The following SGSM2 variants were observed in gnomAD, a reference collection of about 807,000 sequenced individuals.
SGSM2 encodes small G protein signaling modulator 2, also known as RUN and TBC1 domain containing 1.
Under a neutral mutation model 126.6 loss-of-function variants are expected in SGSM2, and 89 were observed. The ratio of observed to expected loss-of-function variants is 0.70; its 90% CI spans 0.59 to 0.84. The LOEUF (loss-of-function observed/expected upper bound fraction) is 0.84. SGSM2 is among the 40% of genes least tolerant of loss of function. The pLI is 0.00. For synonymous variants in SGSM2, 614 were observed against 574.3 expected (o/e 1.07, Z -0.99); for missense variants, 1,404 against 1,416.6 (o/e 0.99, Z 0.14).
Position 2,380,102 on chromosome 17 carries a change from G to A in SGSM2, c.*582G>A, listed in dbSNP as rs1461411195. 7.1e-7 allele frequency: 1 copy of A among 1,401,188 alleles called. No individual in the cohort carries two copies. Among genetic ancestry groups the A allele is most frequent in the Non-Finnish European group, 9.2e-7 (1 of 1,081,318 alleles). The allele number at this position is 1,401,188 out of a possible 1,614,324, so 86.8% of individuals were successfully genotyped here. ...GCCGCTCCCCCGAGATTCTGGGGCA[G>A]TCGGAAGATGTGGGCCCTGGGTGGG... On this transcript the variant is annotated 3_prime_UTR_variant, in exon 24 of 24. Coordinates refer to ENST00000268989, the MANE Select transcript of SGSM2 (RefSeq NM_014853.3).
At chr17:2,364,460 C>T (rs2065464115) in intron 8 of SGSM2, 136 bp from the exon 9 acceptor site, 1 of 963,946 alleles carries the variant, frequency 1.0e-6, no homozygotes, top group Admixed American at 2.0e-5. Context: ...GGGGTCATGG[C>T]TGGCTGTGTG....
chr17:2,370,276 C>T (rs538475769), intron 12 of SGSM2, among the ~76,000 whole-genome samples: 2 of 152,404 alleles, frequency 1.3e-5, no homozygotes, highest in South Asian at 2.1e-4. Flanking sequence ...TCCTCTCTCA[C>T]TTTGCTTCAT....
chr17:2,338,277 G>A (rs1288778215), intron 1 of SGSM2, among the ~76,000 whole-genome samples: 1 of 152,110 alleles, frequency 6.6e-6, no homozygotes, highest in Non-Finnish European at 1.5e-5. Context: ...CTCCCTCCAC[G>A]CCCACCTCCT....
At position 2,361,761 on chromosome 17, in the gene SGSM2, C is replaced by A; in HGVS notation, c.258C>A (p.Cys86Ter). 1 of 1,612,418 alleles carries A rather than the reference C, an allele frequency of 6.2e-7. No homozygotes were observed. The highest frequency in any genetic ancestry group is 8.5e-7 in the Non-Finnish European group (1 of 1,179,792). The change falls in exon 3 of 24, where the codon TGC becomes TGA. Residue 86 changes from cysteine to a stop codon, truncating the protein, a stop_gained. Transcript: ENST00000268989. LOFTEE classifies it high-confidence loss of function. ...CGTGCCCAGTGGCGGGGGAGATTTGCCACAAGGTACAGGAGCTGCAGCAAC... is the reference window on the plus strand; with the variant it reads ...CGTGCCCAGTGGCGGGGGAGATTTGACACAAGGTACAGGAGCTGCAGCAAC... ...GKTCPVAGEI[C>*]HKVQELQQQA...
chr17:2,341,944 C>T (rs371008324), intron 1 of SGSM2, among the ~76,000 whole-genome samples: 111 of 152,314 alleles, frequency 7.3e-4, no homozygotes, highest in African/African-American at 2.3e-3. Context: ...ACCCAAACGC[C>T]GGGTGTTTGT....
chr17:2,338,359 C>T (rs1462587926), intron 1 of SGSM2, among the ~76,000 whole-genome samples: 1 of 152,164 alleles, frequency 6.6e-6, no homozygotes, highest in Non-Finnish European at 1.5e-5. Flanking sequence ...AGGGAAGCCC[C>T]CCTACTTCAG....
intron 22 of SGSM2, 30 bp from the exon 23 acceptor site, chr17:2,379,006 G>A (rs376263824): frequency 5.4e-5 from 87 of 1,603,452 alleles, no homozygotes; most frequent in African/African-American, 1.7e-4. Context: ...CGGCTAGGAC[G>A]GGTGAGCAGC....
At position 2,371,429 on chromosome 17, in the gene SGSM2, G is replaced by A. The variant is rs113950981; in HGVS notation, c.1577+14G>A. On this transcript the variant is annotated intron_variant, in intron 13 of 23. Transcript: ENST00000268989. ...CATCCCCGACCGGTGAGTGGGCAGC[G>A]CTCGGCCCCAGCTTCCCGTTAGCGT... is the stretch of plus-strand genomic sequence containing the variant. 8.9e-4 allele frequency: 1,401 copies of A among 1,577,950 alleles called. 1 individual carries two copies. Among genetic ancestry groups the A allele is most frequent in the Non-Finnish European group, 1.1e-3 (1,226 of 1,161,176 alleles).
At chr17:2,345,551 G>A (rs951481641) in intron 2 of SGSM2, among the ~76,000 whole-genome samples, 2 of 147,088 alleles carry the variant, frequency 1.4e-5, no homozygotes, top group African/African-American at 2.5e-5. Flanking sequence ...AGCCAAGATC[G>A]CGCCACTGCA....
intron 17 of SGSM2, 124 bp downstream of exon 17, chr17:2,373,637 G>A (rs545173736): frequency 4.9e-6 from 4 of 817,654 alleles, no homozygotes; most frequent in Admixed American, 2.8e-5. Flanking sequence ...GGCCTAAGGT[G>A]CCTGTGTCTC....
rs752713424 is a variant in SGSM2 at position 2,373,041 on chromosome 17, G to C, written c.1877G>C (p.Gly626Ala). The stretch of plus-strand genomic sequence containing the variant: ...AAGGACGTCTGGCCCTTTCTGCTTG[G>C]CCACTACAAGTTCGGCATGAGCAAG... Reference protein sequence around the residue: ...IRKDVWPFLLGHYKFGMSKKE... With the variant: ...IRKDVWPFLLAHYKFGMSKKE... The change falls in exon 16 of 24, where the codon GGC becomes GCC. Residue 626 changes from glycine (G) to alanine (A), a missense_variant. Physicochemically the swap from Gly to Ala is moderately conservative, Grantham distance 60 (BLOSUM62 0). Coordinates refer to ENST00000268989, the MANE Select transcript of SGSM2 (RefSeq NM_014853.3). 6.2e-7 allele frequency: 1 copy of C among 1,608,722 alleles called. No homozygotes were observed. Among genetic ancestry groups the C allele is most frequent in the Non-Finnish European group, 8.5e-7 (1 of 1,178,002 alleles).
In SGSM2 at chr17:2,375,709, G is replaced by C. The variant is rs758050935; in HGVS notation, c.2318G>C (p.Ser773Thr). 1.2e-6 allele frequency: 2 copies of C among 1,612,128 alleles called. No individual in the cohort carries two copies. Among genetic ancestry groups the C allele is most frequent in the Admixed American group, 1.7e-5 (1 of 59,978 alleles). ...CAGTCAAGCCTAGATGAGGGGCAGA[G>C]CGTGGGCTTCGAAGAGGAGGACGGC... ...GIQSSLDEGQSVGFEEEDGGG... is the reference protein window; with the variant it reads ...GIQSSLDEGQTVGFEEEDGGG... Residue 773 changes from serine to threonine, a missense_variant, in exon 18 of 24, where the codon AGC becomes ACC. Transcript: ENST00000268989.
chr17:2,375,691 G>A lies in SGSM2; in HGVS notation c.2300G>A (p.Ser767Asn). The change falls in exon 18 of 24, where the codon AGC becomes AAC. Residue 767 changes from serine (S) to asparagine (N), a missense_variant. Transcript: ENST00000268989. ...NYSVASGIQS[S>N]LDEGQSVGFE... is the part of the protein sequence containing the mutation. ...TCCGTGGCCTCGGGCATCCAGTCAA[G>A]CCTAGATGAGGGGCAGAGCGTGGGC... The A allele has an allele frequency of 6.2e-7, 1 of 1,613,740 alleles. No individual in the cohort carries two copies. Among genetic ancestry groups the A allele is most frequent in the South Asian group, 1.1e-5 (1 of 91,066 alleles).
At position 2,343,501 on chromosome 17, in the gene SGSM2, A is replaced by G. The variant is rs376109875; in HGVS notation, c.58-44A>G. ...ATTTATTTGCCCAGAGGTCTTTGAT[A>G]AGGGAAAATAATAAAAGCAGTGATG... On this transcript the variant is annotated intron_variant, in intron 1 of 23. Transcript: ENST00000268989. The G allele has an allele frequency of 6.9e-6, 11 of 1,589,356 alleles. No individual in the cohort carries two copies. The African/African-American group carries it at 1.2e-4, about 17-fold the overall frequency.
chr17:2,366,762 C>T (rs1395735787), intron 11 of SGSM2: 1 of 152,586 alleles, frequency 6.6e-6, no homozygotes, highest in African/African-American at 2.4e-5. Context: ...TGAAACTCCA[C>T]CAAGCGACTC....
chr17:2,365,613 A>G (rs922762772), intron 11 of SGSM2, among the ~76,000 whole-genome samples: 2 of 152,156 alleles, frequency 1.3e-5, no homozygotes, highest in African/African-American at 2.4e-5. Context: ...ACTCTTAGTT[A>G]TCCTTTCAGA....
In SGSM2 at chr17:2,372,259, G is replaced by A. The variant is rs1357930678; in HGVS notation, c.1642+5G>A. ...TGTCCCGGGCCTTCTACGGCTGTGA[G>A]TGTGGGGCGCGCCGGGCTGTGGCGG... On this transcript the variant is annotated splice_donor_5th_base_variant and intron_variant, in intron 14 of 23. Transcript: ENST00000268989. The surrounding 1 kb of genome is among the most constrained non-coding windows in gnomAD (Gnocchi z 6.0). 6.2e-7 allele frequency: 1 copy of A among 1,612,854 alleles called. No homozygotes were observed. The highest frequency in any genetic ancestry group is 8.5e-7 in the Non-Finnish European group (1 of 1,179,600).
rs367678150 is a variant in SGSM2, at chr17:2,372,579, T to C, written c.1788+91T>C. The C allele has an allele frequency of 1.2e-4, 180 of 1,515,138 alleles. No individual in the cohort carries two copies. In the African/African-American group the frequency reaches 2.3e-3, roughly 19 times the overall value. The allele number at this position is 1,515,138 out of a possible 1,614,324, so 93.9% of individuals were successfully genotyped here. ...GGGTAAAATGTGCCAGTGGGTGCGG[T>C]TGACAGGCCAGGGCCGATGCCACGG... is the stretch of plus-strand genomic sequence containing the variant. On this transcript the variant is annotated intron_variant, in intron 15 of 23. Transcript: ENST00000268989. The surrounding 1 kb of genome is among the most constrained non-coding windows in gnomAD (Gnocchi z 6.0).
At chr17:2,353,297 G>A (rs2064952552) in intron 2 of SGSM2, among the ~76,000 whole-genome samples, 1 of 152,014 alleles carries the variant, frequency 6.6e-6, no homozygotes, top group South Asian at 2.1e-4. Context: ...AGATGCCCAC[G>A]GGCGACCCAG....
Sources: allele counts gnomAD v4.1 joint callset (sites outside exome capture counted in the v4.1 genomes callset), GRCh38; gene constraint gnomAD v4.1.1; non-coding constraint Gnocchi (gnomAD v3.1); transcripts MANE v1.5; gene names NCBI Gene and HGNC (gene_info 2026-07-23, HGNC 2026-07-21).